TRIM24: variants seen among roughly 807,000 people sequenced by gnomAD.
The protein encoded by TRIM24 is transcription intermediary factor 1-alpha.
TRIM24 carries 29 observed loss-of-function variants against 123.9 expected under a neutral mutation model. The ratio of observed to expected loss-of-function variants is 0.23; its 90% confidence interval spans 0.17 to 0.32. The LOEUF is 0.32. Ranked by LOEUF, TRIM24 falls within the 10% of genes least tolerant of loss-of-function variation. The pLI, the probability that TRIM24 is intolerant of heterozygous loss-of-function variation, is 1.00. For synonymous variants in TRIM24, 456 were observed against 461.1 expected (o/e 0.99, Z 0.14); for missense variants, 932 against 1,295.3 (o/e 0.72, Z 4.31).
chr7:138,579,587 T>A, intron 15 of TRIM24, 55 bp downstream of exon 15: 1 of 1,446,010 alleles, frequency 6.9e-7, no homozygotes. Context: ...TGAAGATTAT[T>A]TTAACAGAAA....
chr7:138,507,359 A>ATTTTT (rs11301228), intron 2 of TRIM24, among the ~76,000 whole-genome samples: 2 of 132,388 alleles, frequency 1.5e-5, no homozygotes, highest in Admixed American at 7.7e-5. Flanking sequence ...TTCATCTGTA[A>ATTTTT]TTTTTTTTTT....
intron 1 of TRIM24, among the ~76,000 whole-genome samples, chr7:138,467,138 A>G (rs1363302223): frequency 6.6e-6 from 1 of 152,092 alleles, no homozygotes; most frequent in Non-Finnish European, 1.5e-5. Flanking sequence ...ATGTTTTTTG[A>G]TTACAGTACT....
At chr7:138,574,642 G>GACTT (rs1319012317) in intron 12 of TRIM24, among the ~76,000 whole-genome samples, 1 of 152,086 alleles carries the variant, frequency 6.6e-6, no homozygotes, top group East Asian at 1.9e-4. Flanking sequence ...AATTAGCTAA[G>GACTT]ACTTAAATAA....
intron 6 of TRIM24, among the ~76,000 whole-genome samples, chr7:138,530,209 G>T (rs1796700488): frequency 6.7e-6 from 1 of 150,270 alleles, no homozygotes; most frequent in African/African-American, 2.5e-5. Flanking sequence ...GTAACTATTT[G>T]TTCAAGGTCT....
intron 1 of TRIM24, among the ~76,000 whole-genome samples, chr7:138,491,932 C>G (rs559694634): frequency 2.1e-4 from 31 of 150,350 alleles, no homozygotes; most frequent in Non-Finnish European, 4.0e-4. Context: ...AAAATCATTT[C>G]ATGTGCTTGT....
At position 138,554,784 on chromosome 7, in the gene TRIM24, G is replaced by A; in HGVS notation, c.1348G>A (p.Gly450Ser). The change falls in exon 9 of 19, where the codon GGT (glycine) becomes AGT (serine). Residue 450 changes from glycine (G) to serine (S), a missense_variant. This residue lies in a region of TRIM24 where 527 missense variants were observed against 691.3 expected (regional missense o/e 0.76). Coordinates refer to ENST00000343526, the MANE Select transcript of TRIM24 (RefSeq NM_015905.3). The surrounding 1 kb of genome is among the most constrained non-coding windows in gnomAD (Gnocchi z 4.5). ...VVEQNSQPPS[G>S]LSSNQLSKFP... The stretch of plus-strand genomic sequence containing the variant: ...GGAACAGAATTCACAGCCACCAAGT[G>A]GTTTATCATCAAACCAGTTATCCAA... The A allele has an allele frequency of 6.2e-7, 1 of 1,614,186 alleles. No individual in the cohort carries two copies. The highest frequency in any genetic ancestry group is 8.5e-7 in the Non-Finnish European group (1 of 1,180,012).
intron 7 of TRIM24, among the ~76,000 whole-genome samples, chr7:138,541,587 C>T (rs1196902274): frequency 6.6e-6 from 1 of 152,096 alleles, no homozygotes; most frequent in Admixed American, 6.5e-5. Context: ...TAGGATAATT[C>T]TTGAGGGCCC....
At chr7:138,481,003 AT>A (rs1214501489) in intron 1 of TRIM24, among the ~76,000 whole-genome samples, 2 of 150,752 alleles carry the variant, frequency 1.3e-5, no homozygotes, top group African/African-American at 4.9e-5. Context: ...TATTATTATT[AT>A]TTTTTAAGAC....
intron 17 of TRIM24, among the ~76,000 whole-genome samples, 189 bp downstream of exon 17, chr7:138,581,960 T>C (rs1417121748): frequency 6.6e-6 from 1 of 152,204 alleles, no homozygotes; most frequent in African/African-American, 2.4e-5. Flanking sequence ...CTTCTGTTCA[T>C]TTCTCAGGTA....
intron 1 of TRIM24, among the ~76,000 whole-genome samples, chr7:138,468,511 T>C (rs1383060080): frequency 6.6e-6 from 1 of 152,228 alleles, no homozygotes; most frequent in Non-Finnish European, 1.5e-5. Context: ...TCCCATGCTT[T>C]TACTTCTAGC....
chr7:138,556,950 C>T (rs912069267), intron 9 of TRIM24, among the ~76,000 whole-genome samples: 13 of 152,208 alleles, frequency 8.5e-5, no homozygotes, highest in African/African-American at 3.1e-4. Context: ...GGCAAGGAGG[C>T]TTACAGAGGC....
intron 14 of TRIM24, 38 bp downstream of exon 14, chr7:138,577,626 G>T (rs1240449241): frequency 1.4e-6 from 2 of 1,468,204 alleles, no homozygotes; most frequent in Non-Finnish European, 1.8e-6. Flanking sequence ...CCTATGCATG[G>T]TGGGTAGGGT....
intron 1 of TRIM24, among the ~76,000 whole-genome samples, chr7:138,475,926 G>A (rs1795386327): frequency 6.6e-6 from 1 of 152,154 alleles, no homozygotes; most frequent in African/African-American, 2.4e-5. Context: ...TAGTTATTTT[G>A]CGCAAGGTAA....
At chr7:138,478,280 A>T (rs1795447139) in intron 1 of TRIM24, among the ~76,000 whole-genome samples, 2 of 152,118 alleles carry the variant, frequency 1.3e-5, no homozygotes, top group African/African-American at 4.8e-5. Flanking sequence ...TTTAAAAAGA[A>T]ATTGGTTTAT....
chr7:138,527,177 T>A (rs1796628043), intron 5 of TRIM24, among the ~76,000 whole-genome samples: 1 of 152,218 alleles, frequency 6.6e-6, no homozygotes, highest in African/African-American at 2.4e-5. Context: ...TTTTTCTCAT[T>A]GCTAGTACTT....
chr7:138,487,495 T>G (rs1322340754), intron 1 of TRIM24, among the ~76,000 whole-genome samples: 5 of 152,182 alleles, frequency 3.3e-5, no homozygotes, highest in African/African-American at 1.2e-4. Context: ...CATAAATAGC[T>G]CTTATTATTT....
At chr7:138,488,156 G>A (rs937550660) in intron 1 of TRIM24, among the ~76,000 whole-genome samples, 1 of 152,010 alleles carries the variant, frequency 6.6e-6, no homozygotes, top group African/African-American at 2.4e-5. Context: ...ATTCTCTGAT[G>A]GTAGTTTGTA....
chr7:138,553,932 T>C (rs1797263325), intron 8 of TRIM24, among the ~76,000 whole-genome samples: 1 of 152,124 alleles, frequency 6.6e-6, no homozygotes, highest in African/African-American at 2.4e-5. Flanking sequence ...GGAACTTACA[T>C]ACAGGACAGT....
At chr7:138,489,842 T>C (rs895056372) in intron 1 of TRIM24, among the ~76,000 whole-genome samples, 14 of 152,160 alleles carry the variant, frequency 9.2e-5, no homozygotes, top group Non-Finnish European at 1.8e-4. Flanking sequence ...GAGTTGCTCT[T>C]CTCGAGGAGT....
Sources: gnomAD v4.1 joint callset for allele counts (sites outside exome capture counted in the v4.1 genomes callset) on GRCh38, gnomAD v4.1.1 for gene constraint, gnomAD v4.1.1 regional missense constraint, Gnocchi (gnomAD v3.1) non-coding constraint, MANE v1.5 for transcripts, NCBI Gene and HGNC (gene_info 2026-07-23, HGNC 2026-07-21) for gene names.